The following COX7B2 variants were observed in gnomAD, a reference collection of about 807,000 sequenced individuals.
COX7B2 encodes the protein cytochrome c oxidase subunit 7B2, mitochondrial.
For missense variants in COX7B2, 109 were observed against 95.9 expected (o/e 1.14, Z -0.57); for synonymous variants, 37 against 32.1 (o/e 1.15, Z -0.51).
At chr4:46,771,550 T>G (rs140101694) in intron 2 of COX7B2, among the ~76,000 whole-genome samples, 57 of 148,520 alleles carry the variant, frequency 3.8e-4, no homozygotes, top group African/African-American at 1.3e-3. Context: ...GATTTCAGAT[T>G]TTTTTTTTTA....
At chr4:46,882,014 A>C (rs1321906246) in intron 1 of COX7B2, among the ~76,000 whole-genome samples, 1 of 152,118 alleles carries the variant, frequency 6.6e-6, no homozygotes, top group African/African-American at 2.4e-5. Flanking sequence ...CATTAGTTTT[A>C]AAGAACTTCT....
intron 1 of COX7B2, among the ~76,000 whole-genome samples, chr4:46,894,621 A>G (rs549422847): frequency 6.6e-6 from 1 of 152,304 alleles, no homozygotes; most frequent in East Asian, 1.9e-4. Flanking sequence ...TTGCAACCAA[A>G]GCAAAAATTG....
chr4:46,821,989 G>A (rs1399388641), intron 2 of COX7B2, among the ~76,000 whole-genome samples: 1 of 152,130 alleles, frequency 6.6e-6, no homozygotes, highest in East Asian at 1.9e-4. Context: ...TCAGCTCACT[G>A]CAAGCTCTAC....
chr4:46,831,556 A>T (rs1368607028), intron 2 of COX7B2, among the ~76,000 whole-genome samples: 5 of 152,194 alleles, frequency 3.3e-5, no homozygotes, highest in Non-Finnish European at 7.3e-5. Context: ...TAGCTAAGGG[A>T]TTGTAAATAC....
At chr4:46,808,980 T>C (rs577785560) in intron 2 of COX7B2, among the ~76,000 whole-genome samples, 1 of 152,060 alleles carries the variant, frequency 6.6e-6, no homozygotes, top group South Asian at 2.1e-4. Flanking sequence ...GAAATTGGTC[T>C]GTAGTTTTCT....
At chr4:46,771,698 A>G (rs1279479073) in intron 2 of COX7B2, among the ~76,000 whole-genome samples, 1 of 152,126 alleles carries the variant, frequency 6.6e-6, no homozygotes, top group Non-Finnish European at 1.5e-5. Flanking sequence ...AGATTCTCAG[A>G]TTAGAGATAC....
At chr4:46,787,083 TAAG>T (rs1234706024) in intron 2 of COX7B2, among the ~76,000 whole-genome samples, 1 of 152,138 alleles carries the variant, frequency 6.6e-6, no homozygotes, top group Admixed American at 6.5e-5. Flanking sequence ...AATGGAAGAG[TAAG>T]AAGAACTGAT....
intron 1 of COX7B2, among the ~76,000 whole-genome samples, chr4:46,907,291 C>A (rs923127025): frequency 2.0e-5 from 3 of 152,138 alleles, no homozygotes; most frequent in African/African-American, 7.2e-5. Context: ...GTCCTAATTT[C>A]CCAAATTTGC....
intron 1 of COX7B2, among the ~76,000 whole-genome samples, chr4:46,873,344 T>G (rs1718122600): frequency 6.6e-6 from 1 of 152,188 alleles, no homozygotes; most frequent in Non-Finnish European, 1.5e-5. Context: ...TACCCAGTAA[T>G]GGGATTGCTG....
At chr4:46,811,837 A>C (rs944696428) in intron 2 of COX7B2, among the ~76,000 whole-genome samples, 1 of 152,212 alleles carries the variant, frequency 6.6e-6, no homozygotes, top group African/African-American at 2.4e-5. Context: ...GCAACTCTCC[A>C]TGTGGACCCA....
At chr4:46,754,724 G>GTATATATATATATATATATATATATATA (rs776374967) in intron 2 of COX7B2, among the ~76,000 whole-genome samples, 1 of 46,814 alleles carries the variant, frequency 2.1e-5, no homozygotes, top group African/African-American at 8.8e-5. Context: ...GTGTGTGTGT[G>GTATATATATATATATATATATATATATA]TGTGTATATA....
chr4:46,756,841 T>C (rs867679072), intron 2 of COX7B2, among the ~76,000 whole-genome samples: 2 of 151,942 alleles, frequency 1.3e-5, no homozygotes, highest in Non-Finnish European at 2.9e-5. Flanking sequence ...TTGGTGGGAG[T>C]GTAAATTAGT....
chr4:46,792,251 C>G (rs1718088790), intron 2 of COX7B2, among the ~76,000 whole-genome samples: 1 of 152,146 alleles, frequency 6.6e-6, no homozygotes. Context: ...TCTTGTAAGG[C>G]ATTCTCACAG....
intron 2 of COX7B2, among the ~76,000 whole-genome samples, chr4:46,800,441 C>T (rs956546983): frequency 1.3e-5 from 2 of 151,316 alleles, no homozygotes; most frequent in African/African-American, 4.8e-5. Context: ...AAAGATTAGA[C>T]GACCACACAA....
intron 2 of COX7B2, among the ~76,000 whole-genome samples, chr4:46,750,733 A>G (rs1479082152): frequency 1.3e-5 from 2 of 152,152 alleles, no homozygotes; most frequent in East Asian, 3.9e-4. Flanking sequence ...AGAAATTCCA[A>G]TATCAAGGTC....
At chr4:46,878,857 A>G (rs908148594) in intron 1 of COX7B2, among the ~76,000 whole-genome samples, 4 of 152,138 alleles carry the variant, frequency 2.6e-5, no homozygotes, top group African/African-American at 9.7e-5. Context: ...TTCTACTTAC[A>G]TTTCATTGGC....
intron 1 of COX7B2, among the ~76,000 whole-genome samples, chr4:46,879,678 G>T (rs746451084): frequency 1.3e-5 from 2 of 150,892 alleles, no homozygotes; most frequent in East Asian, 3.9e-4. Flanking sequence ...TTATTGTACC[G>T]CTTTGATGAA....
At chr4:46,743,922 C>G (rs761222653) in intron 2 of COX7B2, among the ~76,000 whole-genome samples, 1 of 152,150 alleles carries the variant, frequency 6.6e-6, no homozygotes. Context: ...AAATCATTTC[C>G]TTGTGGGAAC....
intron 2 of COX7B2, among the ~76,000 whole-genome samples, chr4:46,739,913 C>T (rs927021918): frequency 6.6e-6 from 1 of 152,018 alleles, no homozygotes; most frequent in African/African-American, 2.4e-5. Flanking sequence ...CAGTGTTTCC[C>T]ATTATTTAAA....
Sources: gnomAD v4.1 joint callset for allele counts (sites outside exome capture counted in the v4.1 genomes callset) on GRCh38, gnomAD v4.1.1 for gene constraint, MANE v1.5 for transcripts, NCBI Gene and HGNC (gene_info 2026-07-23, HGNC 2026-07-21) for gene names.